The following CROCC2 variants were observed in gnomAD, a reference collection of about 807,000 sequenced individuals.
CROCC2 encodes the protein ciliary rootlet coiled-coil protein 2.
Under a neutral mutation model 177.6 loss-of-function variants are expected in CROCC2, and 163 were observed. The ratio of observed to expected loss-of-function variants is 0.92; its 90% CI spans 0.81 to 1.05. The LOEUF (loss-of-function observed/expected upper bound fraction) is 1.05. CROCC2 is among the 50% of genes least tolerant of loss of function. The pLI, the probability that CROCC2 is intolerant of heterozygous loss-of-function variation, is 0.00. For synonymous variants in CROCC2, 904 were observed against 787.3 expected (o/e 1.15, Z -2.48); for missense variants, 1,929 against 1,797.8 (o/e 1.07, Z -1.32).
At position 240,917,858 on chromosome 2, in the gene CROCC2, C is replaced by T. The variant is rs944542795; in HGVS notation, c.79-868C>T. The stretch of plus-strand genomic sequence containing the variant: ...GTTTGGCACAGGCGGCCTGTGTGTC[C>T]TGCCCACAGTCGGTAATCTATTTCA... On this transcript the variant is annotated intron_variant, in intron 1 of 31. Transcript: ENST00000690015. This position sits in a 1 kb window ranked among gnomAD's most constrained non-coding sequence, Gnocchi z 4.9. Among the ~76,000 whole-genome samples, 8 of 152,210 alleles carry T rather than the reference C, an allele frequency of 5.3e-5. No homozygotes were observed. Among genetic ancestry groups the T allele is most frequent in the Admixed American group, 3.3e-4 (5 of 15,292 alleles).
intron 1 of CROCC2, among the ~76,000 whole-genome samples, chr2:240,907,143 G>A (rs1271359714): frequency 6.6e-6 from 1 of 152,220 alleles, no homozygotes; most frequent in Non-Finnish European, 1.5e-5. Context: ...GGGCCAGCAG[G>A]GCCTCTCGGG....
Position 240,935,066 on chromosome 2 carries a change from A to G in CROCC2, c.1938+4A>G. 1 of 1,359,868 alleles carries G rather than the reference A, an allele frequency of 7.4e-7. No homozygotes were observed. The highest frequency in any genetic ancestry group is 9.5e-7 in the Non-Finnish European group (1 of 1,048,932). 84.2% of individuals were successfully genotyped at this position (1,359,868 alleles called of 1,614,324 possible). ...CCTGAACCACCTGGCTCTCCAGGTG[A>G]GACAAGGGCCAGTGGGGCGGGCCTC... On this transcript the variant is annotated splice_donor_region_variant and intron_variant, in intron 13 of 31. Coordinates refer to ENST00000690015, the MANE Select transcript of CROCC2 (RefSeq NM_001351305.2).
At chr2:240,952,801 G>A (rs368937204) in intron 18 of CROCC2, among the ~76,000 whole-genome samples, 7 of 152,320 alleles carry the variant, frequency 4.6e-5, no homozygotes, top group Middle Eastern at 3.4e-3. Context: ...GGAGTTGGGC[G>A]GAAACGAGTC....
At position 240,934,362 on chromosome 2, in the gene CROCC2, G is replaced by T. The variant is rs999516295; in HGVS notation, c.1678G>T (p.Val560Phe). The T allele has an allele frequency of 7.1e-6, 11 of 1,548,690 alleles. No individual in the cohort carries two copies. The highest frequency in any genetic ancestry group is 7.8e-6 in the Non-Finnish European group (9 of 1,146,908). ...QGRLQQLEEK[V>F]SGLREELASV... The stretch of plus-strand genomic sequence containing the variant: ...CCGCCTGCAGCAGCTGGAGGAGAAG[G>T]TCTCCGGGCTCAGAGAGGAGCTGGC... Residue 560 changes from valine to phenylalanine, a missense_variant, in exon 12 of 32, where the codon GTC (valine) becomes TTC (phenylalanine). By Grantham distance (50) the Val-to-Phe change is conservative. Coordinates refer to ENST00000690015, the MANE Select transcript of CROCC2 (RefSeq NM_001351305.2).
At chr2:240,934,537 A>C (rs1366168828) in intron 12 of CROCC2, 62 bp downstream of exon 12, 21 of 1,279,994 alleles carry the variant, frequency 1.6e-5, no homozygotes, top group Non-Finnish European at 1.9e-5. Flanking sequence ...CCCTGGCCTC[A>C]CTGACCTGGC....
chr2:240,993,167 C>A lies in CROCC2; in HGVS notation c.*86C>A. ...GGGAGGGGCCCAGCTGATTTCTCAG[C>A]GTCACAGTGAAAGGCACCCGTGATG... is the stretch of plus-strand genomic sequence containing the variant. On this transcript the variant is annotated 3_prime_UTR_variant, in exon 32 of 32. Coordinates refer to ENST00000690015, the MANE Select transcript of CROCC2 (RefSeq NM_001351305.2). 1.4e-6 allele frequency: 1 copy of A among 698,056 alleles called. No homozygotes were observed. Among genetic ancestry groups the A allele is most frequent in the South Asian group, 1.5e-5 (1 of 66,008 alleles). The allele number at this position is 698,056 out of a possible 1,614,324, so 43.2% of individuals were successfully genotyped here.
intron 20 of CROCC2, among the ~76,000 whole-genome samples, chr2:240,962,516 C>T (rs947703102): frequency 2.0e-5 from 3 of 152,014 alleles, no homozygotes; most frequent in African/African-American, 7.2e-5. Context: ...GAGGCTCTGG[C>T]CCTTCCCAAA....
chr2:240,911,137 A>C (rs34535589), intron 1 of CROCC2, among the ~76,000 whole-genome samples: 34,766 of 151,916 alleles, frequency 0.23, 4,087 homozygotes, highest in African/African-American at 0.26. Flanking sequence ...TCTCAAAAAA[A>C]ATAAAATAAA....
chr2:240,934,329 A>C lies in CROCC2; in HGVS notation c.1647-2A>C. 6.5e-7 allele frequency: 1 copy of C among 1,548,330 alleles called. No homozygotes were observed. On this transcript the variant is annotated splice_acceptor_variant, in intron 11 of 31. Transcript: ENST00000690015. LOFTEE classifies it high-confidence loss of function. ...CTCCCGCCCTCTGGTCTGGGGCCTC[A>C]GTCAAGGCCGCCTGCAGCAGCTGGA...
chr2:240,991,786 C>T (rs969049217), intron 31 of CROCC2, among the ~76,000 whole-genome samples: 20 of 152,368 alleles, frequency 1.3e-4, no homozygotes, highest in Non-Finnish European at 2.4e-4. Context: ...CTGGCTTCCC[C>T]GGCTTCATTC....
In CROCC2 at chr2:240,968,636, G is replaced by A. The variant is rs114922677; in HGVS notation, c.4401+374G>A. Among the ~76,000 whole-genome samples, 1,049 of 152,356 alleles carry A rather than the reference G, an allele frequency of 6.9e-3. 10 individuals carry two copies. Among genetic ancestry groups the A allele is most frequent in the African/African-American group, 0.024 (1,014 of 41,592 alleles). On this transcript the variant is annotated intron_variant, in intron 27 of 31. Transcript: ENST00000690015. ...GAGGCCACAGCGGCAGGCATGGGGC[G>A]GCCCTGGCCCAGCCTTGGGGCTCTT...
intron 5 of CROCC2, among the ~76,000 whole-genome samples, chr2:240,929,222 C>A (rs530393917): frequency 6.6e-6 from 1 of 152,242 alleles, no homozygotes; most frequent in Non-Finnish European, 1.5e-5. Context: ...AGGTCTCGTT[C>A]TATTGTTTCC....
rs775643047 is a variant in CROCC2, at chr2:240,925,730, C to G, written c.495C>G (p.Thr165=). The G allele has an allele frequency of 2.8e-6, 2 of 715,370 alleles. No homozygotes were observed. Among genetic ancestry groups the G allele is most frequent in the African/African-American group, 3.5e-5 (2 of 57,370 alleles). 44.3% of individuals were successfully genotyped at this position (715,370 alleles called of 1,614,324 possible). Residue 165 remains threonine (T), a synonymous_variant, in exon 5 of 32, where the codon ACC becomes ACG. Coordinates refer to ENST00000690015, the MANE Select transcript of CROCC2 (RefSeq NM_001351305.2). ...CTGTGGGTTCTCTGTCCAGGAGCAC[C>G]GGCCTCTGTCAGGTGAACGCGCTCC... ...GRLEAAEERS[T]GLCQVNALLR...
At chr2:240,924,347 A>C (rs1416450620) in intron 4 of CROCC2, among the ~76,000 whole-genome samples, 2 of 1,094 alleles carry the variant, frequency 1.8e-3, no homozygotes, top group Non-Finnish European at 2.5e-3. Context: ...CCCAGCCCCC[A>C]ACACTAACCC....
intron 4 of CROCC2, among the ~76,000 whole-genome samples, chr2:240,923,399 T>C (rs1046650209): frequency 1.3e-5 from 2 of 151,360 alleles, no homozygotes; most frequent in African/African-American, 4.9e-5. Context: ...ATGTCATGCC[T>C]GGGCTTATCA....
At position 240,972,705 on chromosome 2, in the gene CROCC2, C is replaced by T. The variant is rs4270338; in HGVS notation, c.4401+4443C>T. On this transcript the variant is annotated intron_variant, in intron 27 of 31. Coordinates refer to ENST00000690015, the MANE Select transcript of CROCC2 (RefSeq NM_001351305.2). This position sits in a 1 kb window ranked among gnomAD's most constrained non-coding sequence, Gnocchi z 7.1. ...CTAAAATCTATCATTATGGTGTCAACGTTTTCTTACAATTCTGGCAATTAT... is the reference window on the plus strand; with the variant it reads ...CTAAAATCTATCATTATGGTGTCAATGTTTTCTTACAATTCTGGCAATTAT... Among the ~76,000 whole-genome samples, 90,556 of 151,366 alleles carry T rather than the reference C, an allele frequency of 0.6. 28,335 individuals carry two copies. The highest frequency in any genetic ancestry group is 0.8 in the African/African-American group (32,908 of 41,236).
chr2:240,934,597 G>T (rs1382805745), intron 12 of CROCC2, 122 bp downstream of exon 12: 17 of 1,071,938 alleles, frequency 1.6e-5, no homozygotes, highest in Non-Finnish European at 2.2e-5. Context: ...CATCACCAGA[G>T]ATCCCAAAGT....
At chr2:240,922,329 C>T (rs536865600) in intron 3 of CROCC2, among the ~76,000 whole-genome samples, 8 of 152,252 alleles carry the variant, frequency 5.3e-5, no homozygotes, top group African/African-American at 1.4e-4. Context: ...CTCTGCCAGC[C>T]GTGGGCACTT....
intron 19 of CROCC2, 91 bp downstream of exon 19, chr2:240,956,063 G>C (rs2059588288): frequency 1.5e-5 from 14 of 925,096 alleles, no homozygotes. Context: ...CCAGTGGCAT[G>C]ACCCTCTCCA....
Sources: allele counts gnomAD v4.1 joint callset (sites outside exome capture counted in the v4.1 genomes callset), GRCh38; gene constraint gnomAD v4.1.1; non-coding constraint Gnocchi (gnomAD v3.1); transcripts MANE v1.5; gene names NCBI Gene and HGNC (gene_info 2026-07-23, HGNC 2026-07-21).